GPC5: variants seen among roughly 807,000 people sequenced by gnomAD.
GPC5 encodes the protein glypican 5.
In GPC5, 47 loss-of-function variants were observed where a neutral mutation model predicts 53.9. The observed-to-expected ratio is 0.87, with a 90% confidence interval of 0.69 to 1.11. GPC5 has a LOEUF of 1.11. GPC5 is among the 50% of genes most tolerant of loss of function. The probability of loss-of-function intolerance (pLI) is 0.00; values close to 1 mark genes in which losing one functional copy is unlikely to be tolerated. For synonymous variants in GPC5, 286 were observed against 263.3 expected (o/e 1.09, Z -0.84); for missense variants, 748 against 713.1 (o/e 1.05, Z -0.56).
At chr13:92,807,305 G>T (rs746071462) in intron 7 of GPC5, among the ~76,000 whole-genome samples, 1 of 152,006 alleles carries the variant, frequency 6.6e-6, no homozygotes, top group Non-Finnish European at 1.5e-5. Context: ...AAAACAAAAA[G>T]AGACATATTT....
chr13:92,072,412 G>A (rs1157588167), intron 6 of GPC5, among the ~76,000 whole-genome samples: 17 of 150,948 alleles, frequency 1.1e-4, no homozygotes, highest in Admixed American at 9.3e-4. Context: ...GACTACAGGC[G>A]TGCACCACCA....
chr13:92,159,050 T>G (rs1247446778), intron 7 of GPC5, among the ~76,000 whole-genome samples: 1 of 152,198 alleles, frequency 6.6e-6, no homozygotes, highest in Non-Finnish European at 1.5e-5. Context: ...CCCAGAAGAC[T>G]GTTATAGCTA....
intron 7 of GPC5, among the ~76,000 whole-genome samples, chr13:92,585,916 T>C (rs1387554520): frequency 6.6e-6 from 1 of 152,212 alleles, no homozygotes; most frequent in Non-Finnish European, 1.5e-5. Flanking sequence ...ATTGTGAGAC[T>C]TCCCCAGCCA....
chr13:92,195,893 A>G (rs2139053508), intron 7 of GPC5, among the ~76,000 whole-genome samples: 1 of 152,248 alleles, frequency 6.6e-6, no homozygotes, highest in East Asian at 1.9e-4. Context: ...GTGTACCAGG[A>G]CTCAGAAGGG....
At chr13:92,759,614 T>G (rs1297783179) in intron 7 of GPC5, among the ~76,000 whole-genome samples, 1 of 152,108 alleles carries the variant, frequency 6.6e-6, no homozygotes, top group Admixed American at 6.6e-5. Flanking sequence ...AGTTTTTTGG[T>G]GGAGTCTTTA....
At chr13:91,803,781 G>GACACACACAC (rs369314989) in intron 5 of GPC5, among the ~76,000 whole-genome samples, 132 of 147,642 alleles carry the variant, frequency 8.9e-4, no homozygotes, top group Middle Eastern at 3.5e-3. Flanking sequence ...CAGACAGACA[G>GACACACACAC]ACACACACAC....
At chr13:92,859,577 T>G (rs1263378786) in intron 7 of GPC5, among the ~76,000 whole-genome samples, 1 of 152,086 alleles carries the variant, frequency 6.6e-6, no homozygotes, top group African/African-American at 2.4e-5. Context: ...TTCTGAATCA[T>G]TAGTAATAAT....
intron 7 of GPC5, among the ~76,000 whole-genome samples, chr13:92,516,535 T>A (rs931297576): frequency 6.6e-6 from 1 of 152,124 alleles, no homozygotes; most frequent in Non-Finnish European, 1.5e-5. Context: ...AAGAAAGAAG[T>A]ATTAGGACAA....
intron 2 of GPC5, among the ~76,000 whole-genome samples, chr13:91,592,597 T>G (rs978332815): frequency 6.6e-6 from 1 of 152,198 alleles, no homozygotes; most frequent in Non-Finnish European, 1.5e-5. Flanking sequence ...GCTCCTCTCC[T>G]GCTCTGGTGC....
intron 4 of GPC5, among the ~76,000 whole-genome samples, chr13:91,747,049 G>T (rs750948987): frequency 2.6e-4 from 39 of 152,150 alleles, no homozygotes; most frequent in Non-Finnish European, 4.9e-4. Flanking sequence ...TGTTATATTG[G>T]TTACTTCAGG....
At chr13:91,951,952 T>C (rs981717576) in intron 6 of GPC5, among the ~76,000 whole-genome samples, 1 of 152,106 alleles carries the variant, frequency 6.6e-6, no homozygotes, top group African/African-American at 2.4e-5. Flanking sequence ...TATAAGTGCT[T>C]GAAAATAAGT....
At chr13:92,765,809 T>A (rs1026183828) in intron 7 of GPC5, among the ~76,000 whole-genome samples, 3 of 152,154 alleles carry the variant, frequency 2.0e-5, no homozygotes, top group African/African-American at 7.2e-5. Flanking sequence ...CAGATAGTAA[T>A]ATTTTAGGCT....
At chr13:92,201,101 C>T (rs2042292104) in intron 7 of GPC5, among the ~76,000 whole-genome samples, 1 of 152,054 alleles carries the variant, frequency 6.6e-6, no homozygotes, top group African/African-American at 2.4e-5. Flanking sequence ...CATCTCTGGA[C>T]TTTAGTGAAT....
At chr13:92,109,109 C>G (rs1376186753) in intron 6 of GPC5, among the ~76,000 whole-genome samples, 1 of 147,692 alleles carries the variant, frequency 6.8e-6, no homozygotes, top group Non-Finnish European at 1.5e-5. Context: ...GTGTGTCACC[C>G]AGGCTGGAGT....
At chr13:92,084,898 C>G (rs1450707069) in intron 6 of GPC5, among the ~76,000 whole-genome samples, 2 of 152,102 alleles carry the variant, frequency 1.3e-5, no homozygotes, top group Non-Finnish European at 2.9e-5. Context: ...AATTATAAAA[C>G]AGAAATATAT....
chr13:92,803,570 A>C (rs1876986371), intron 7 of GPC5, among the ~76,000 whole-genome samples: 1 of 151,882 alleles, frequency 6.6e-6, no homozygotes, highest in South Asian at 2.1e-4. Flanking sequence ...CGAAATAATT[A>C]TTTATCACCT....
At chr13:91,907,760 C>A (rs1337351054) in intron 5 of GPC5, among the ~76,000 whole-genome samples, 177 bp from the exon 6 acceptor site, 1 of 151,798 alleles carries the variant, frequency 6.6e-6, no homozygotes, top group Non-Finnish European at 1.5e-5. Context: ...GCACGATAAG[C>A]ATTTTAGCAT....
intron 7 of GPC5, among the ~76,000 whole-genome samples, chr13:92,433,834 T>A (rs972079968): frequency 3.9e-5 from 6 of 152,150 alleles, no homozygotes; most frequent in African/African-American, 7.2e-5. Context: ...CGGTGACACC[T>A]ACCTCTAGGT....
chr13:91,407,796 A>G lies in GPC5; in HGVS notation c.163+8587A>G, dbSNP rs530966784. ...AGGGACCACAGTTTTCAGAATAAGGAAACAAATAATTGCTATTAAATCACA... is the reference window on the plus strand; with the variant it reads ...AGGGACCACAGTTTTCAGAATAAGGGAACAAATAATTGCTATTAAATCACA... On this transcript the variant is annotated intron_variant, in intron 1 of 7. Transcript: ENST00000377067. Among the ~76,000 whole-genome samples the G allele has an allele frequency of 4.0e-3, 607 of 152,310 alleles. 6 individuals are homozygous for G. Among genetic ancestry groups the G allele is most frequent in the African/African-American group, 0.014 (583 of 41,572 alleles).
Sources: allele counts gnomAD v4.1 joint callset (sites outside exome capture counted in the v4.1 genomes callset), GRCh38; gene constraint gnomAD v4.1.1; transcripts MANE v1.5; gene names NCBI Gene and HGNC (gene_info 2026-07-23, HGNC 2026-07-21).